ERC1: variants seen among roughly 807,000 people sequenced by gnomAD.
ERC1 encodes the protein ELKS/RAB6-interacting/CAST family member 1.
In ERC1, 56 loss-of-function variants were observed where a neutral mutation model predicts 132.0. The observed-to-expected ratio is 0.42, with a 90% CI of 0.34 to 0.53. The LOEUF (loss-of-function observed/expected upper bound fraction) is 0.53, where lower values mean the gene tolerates loss of function less well. ERC1 is among the 20% of genes least tolerant of loss of function. ERC1 has a pLI of 0.03. For missense variants in ERC1, 1,202 were observed against 1,349.9 expected (o/e 0.89, Z 1.72); for synonymous variants, 478 against 476.1 (o/e 1.00, Z -0.05).
chr12:1,467,343 A>G (rs1174781048), intron 18 of ERC1, among the ~76,000 whole-genome samples: 4 of 151,976 alleles, frequency 2.6e-5, no homozygotes, highest in Non-Finnish European at 2.9e-5. Context: ...GTGTGTTGTC[A>G]GTTTCTCCTT....
At chr12:1,154,354 T>TACACACACACACACACACAC (rs35510985) in intron 8 of ERC1, among the ~76,000 whole-genome samples, 23 of 145,838 alleles carry the variant, frequency 1.6e-4, no homozygotes, top group African/African-American at 5.4e-4. Flanking sequence ...TGTGTGTTTA[T>TACACACACACACACACACAC]ACACACACAC....
chr12:1,106,891 T>A (rs981718536), intron 4 of ERC1, among the ~76,000 whole-genome samples: 2 of 152,356 alleles, frequency 1.3e-5, no homozygotes, highest in South Asian at 4.1e-4. Context: ...AGAAAGATTC[T>A]GGTGGCCCAG....
intron 1 of ERC1, among the ~76,000 whole-genome samples, chr12:1,026,596 G>A (rs761899940): frequency 6.6e-6 from 1 of 152,168 alleles, no homozygotes; most frequent in East Asian, 1.9e-4. Flanking sequence ...GTAGTATCCA[G>A]TAATCACACA....
Position 1,495,883 on chromosome 12 carries a change from T to G in ERC1, c.*5653T>G, listed in dbSNP as rs2094352303. On this transcript the variant is annotated 3_prime_UTR_variant, in exon 19 of 19. Coordinates refer to ENST00000360905, the MANE Select transcript of ERC1 (RefSeq NM_178040.4). ...AAACACTTTGTTCATTTTTTCTTTT[T>G]TATTCACAAACTAAATCCACCAGGA... 1 of 189,412 alleles carries G rather than the reference T, an allele frequency of 5.3e-6. No individual in the cohort carries two copies. Among genetic ancestry groups the G allele is most frequent in the Non-Finnish European group, 1.1e-5 (1 of 90,278 alleles). The allele number at this position is 189,412 out of a possible 1,614,324, so 11.7% of individuals were successfully genotyped here.
intron 15 of ERC1, among the ~76,000 whole-genome samples, chr12:1,326,026 C>T (rs1483908452): frequency 6.6e-6 from 1 of 152,108 alleles, no homozygotes; most frequent in Non-Finnish European, 1.5e-5. Context: ...GTTCATGATT[C>T]AAAAACTTCT....
rs1297086624 is a variant in ERC1 at position 1,473,750 on chromosome 12, G to A, written c.3214-16343G>A. Among the ~76,000 whole-genome samples, 7 of 152,172 alleles carry A rather than the reference G, an allele frequency of 4.6e-5. No individual in the cohort carries two copies. The South Asian group carries it at 8.3e-4, about 18-fold the overall frequency. On this transcript the variant is annotated intron_variant, in intron 18 of 18. Transcript: ENST00000360905. ...CTGCAAGTGCAGACTTGAAAGGAAA[G>A]AGGACTTTGGAGTTAACTTTAATGA... is the stretch of plus-strand genomic sequence containing the variant.
At chr12:1,077,182 G>C (rs1379383187) in intron 2 of ERC1, among the ~76,000 whole-genome samples, 1 of 151,512 alleles carries the variant, frequency 6.6e-6, no homozygotes, top group South Asian at 2.1e-4. Context: ...AGTTCTCTGT[G>C]ATATATTTTG....
At chr12:1,399,890 C>G (rs1015544188) in intron 16 of ERC1, among the ~76,000 whole-genome samples, 1 of 152,186 alleles carries the variant, frequency 6.6e-6, no homozygotes, top group African/African-American at 2.4e-5. Context: ...TTTCAGTTAT[C>G]TTGAGTATAT....
At chr12:1,304,779 CTTTTTTTTTTTTTTT>C (rs1186965322) in intron 15 of ERC1, among the ~76,000 whole-genome samples, 2 of 70,070 alleles carry the variant, frequency 2.9e-5, no homozygotes, top group Non-Finnish European at 5.6e-5. Flanking sequence ...TGTTGTAACT[CTTTTTTTTTTTTTTT>C]TTTTTTTTTT....
chr12:1,006,513 G>A (rs1329395549), intron 1 of ERC1, among the ~76,000 whole-genome samples: 1 of 152,074 alleles, frequency 6.6e-6, no homozygotes, highest in African/African-American at 2.4e-5. Flanking sequence ...CTCCTGCATA[G>A]CTGGGACTAC....
chr12:1,418,969 C>G (rs1053530387), intron 17 of ERC1, among the ~76,000 whole-genome samples: 6 of 152,010 alleles, frequency 3.9e-5, no homozygotes, highest in African/African-American at 1.4e-4. Context: ...CCACCTACGC[C>G]TCCCAAAGTT....
rs184398544 is a variant in ERC1, at chr12:1,234,388, A to G, written c.2352-2381A>G. 1.7e-3 allele frequency among the ~76,000 whole-genome samples: 255 copies of G among 152,310 alleles called. 1 individual carries two copies. The highest frequency in any genetic ancestry group is 4.6e-3 in the Admixed American group (71 of 15,294). ...TTTAAATGCATTTTGGACTTAGGAT[A>G]TTTTCAACTTATGGTGGGTTTATTG... is the stretch of plus-strand genomic sequence containing the variant. On this transcript the variant is annotated intron_variant, in intron 12 of 18. Coordinates refer to ENST00000360905, the MANE Select transcript of ERC1 (RefSeq NM_178040.4).
intron 1 of ERC1, among the ~76,000 whole-genome samples, chr12:1,006,400 A>AT (rs1258180791): frequency 1.3e-4 from 20 of 151,112 alleles, no homozygotes; most frequent in Admixed American, 5.3e-4. Context: ...TGCCTGGCAA[A>AT]TTTTTTTTTG....
At chr12:1,198,599 G>A (rs769253458) in intron 12 of ERC1, among the ~76,000 whole-genome samples, 13 of 152,032 alleles carry the variant, frequency 8.6e-5, no homozygotes, top group African/African-American at 1.9e-4. Flanking sequence ...GTATTAGTTC[G>A]TTCTCATGCT....
At position 1,144,614 on chromosome 12, in the gene ERC1, GTATATA is replaced by G. The variant is rs142846830; in HGVS notation, c.1737+2842_1737+2847del. 2.3e-5 allele frequency among the ~76,000 whole-genome samples: 3 copies of G among 132,292 alleles called. No homozygotes were observed. In the South Asian group the frequency reaches 7.0e-4, roughly 31 times the overall value. The allele number at this position is 132,292 out of a possible 152,430, so 86.8% of individuals were successfully genotyped here. A position where few individuals can be genotyped will look rare whatever the true frequency, so the allele number is the denominator to read the frequency against. On this transcript the variant is annotated intron_variant, in intron 8 of 18. Coordinates refer to ENST00000360905, the MANE Select transcript of ERC1 (RefSeq NM_178040.4). ...TTTTATGGCTGAGTAGAATTTTGTG[GTATATA>G]TATATATATATATACGTGTATATAT...
intron 17 of ERC1, among the ~76,000 whole-genome samples, chr12:1,423,709 C>T (rs1415238427): frequency 3.3e-5 from 5 of 152,166 alleles, no homozygotes; most frequent in Non-Finnish European, 1.5e-5. Flanking sequence ...GATTTTTCTG[C>T]TTGTCCTTTG....
At chr12:991,018 G>A (rs889650470), upstream of ERC1, 1 of 151,970 alleles carries the variant, frequency 6.6e-6, no homozygotes, top group Admixed American at 6.6e-5. Flanking sequence ...CGACCGCCGT[G>A]GCGCCGATTT....
At chr12:1,018,809 T>G (rs1241796485) in intron 1 of ERC1, among the ~76,000 whole-genome samples, 2 of 152,196 alleles carry the variant, frequency 1.3e-5, no homozygotes, top group Non-Finnish European at 2.9e-5. Flanking sequence ...AAGGAGGTGA[T>G]TAACTAAAAC....
In ERC1 at chr12:1,294,178, C is replaced by T. The variant is rs11061689; in HGVS notation, c.2780+4166C>T. On this transcript the variant is annotated intron_variant, in intron 15 of 18. Coordinates refer to ENST00000360905, the MANE Select transcript of ERC1 (RefSeq NM_178040.4). ...ATATTCAGTGCTTTTATACGGCCCACCCTATAGACATTTCTTTACTTTCTT... is the reference window on the plus strand; with the variant it reads ...ATATTCAGTGCTTTTATACGGCCCATCCTATAGACATTTCTTTACTTTCTT... 5.1e-4 allele frequency among the ~76,000 whole-genome samples: 77 copies of T among 152,234 alleles called. 1 individual carries two copies. In the East Asian group the frequency reaches 0.014, roughly 28 times the overall value.
Sources: gnomAD v4.1 joint callset for allele counts (sites outside exome capture counted in the v4.1 genomes callset) on GRCh38, gnomAD v4.1.1 for gene constraint, MANE v1.5 for transcripts, NCBI Gene and HGNC (gene_info 2026-07-23, HGNC 2026-07-21) for gene names.